Variants in ELSPBP1 observed in about 807,000 individuals in gnomAD.
The protein encoded by ELSPBP1 is epididymal sperm binding protein 1.
A neutral mutation model predicts 33.3 loss-of-function variants in ELSPBP1; 38 were observed. That is an observed-to-expected ratio of 1.14 (90% CI 0.88 to 1.50). The LOEUF (loss-of-function observed/expected upper bound fraction) is 1.50. ELSPBP1 is among the 40% of genes most tolerant of loss of function. The probability of loss-of-function intolerance (pLI) is 0.00; values close to 1 mark genes in which losing one functional copy is unlikely to be tolerated. For synonymous variants in ELSPBP1, 85 were observed against 94.1 expected (o/e 0.90, Z 0.56); for missense variants, 267 against 263.5 (o/e 1.01, Z -0.09).
chr19:48,009,842 CAA>C (rs1046365429), intron 2 of ELSPBP1, among the ~76,000 whole-genome samples: 33 of 152,088 alleles, frequency 2.2e-4, no homozygotes, highest in Admixed American at 5.9e-4. Context: ...GGTCAGGAAA[CAA>C]TGCTCCACAT....
In ELSPBP1 at chr19:48,019,714, T is replaced by C. The variant is rs774651294; in HGVS notation, c.356-5T>C. The C allele has an allele frequency of 1.2e-6, 2 of 1,612,972 alleles. No homozygotes were observed. The highest frequency in any genetic ancestry group is 1.7e-5 in the Admixed American group (1 of 59,772). On this transcript the variant is annotated splice_region_variant and splice_polypyrimidine_tract_variant and intron_variant, in intron 4 of 6. Coordinates refer to ENST00000339841, the MANE Select transcript of ELSPBP1 (RefSeq NM_022142.5). ...GACCCGTAACCTTTCCATAATCCTT[T>C]TCAGAGTATGGGGGAAATTCTCTCA...
chr19:48,006,591 G>A (rs569461107), intron 1 of ELSPBP1, among the ~76,000 whole-genome samples: 3 of 71,680 alleles, frequency 4.2e-5, no homozygotes, highest in Non-Finnish European at 8.7e-5. Flanking sequence ...TCCAGTCTGG[G>A]CGTCTGGGCG....
chr19:48,017,359 C>A (rs999297532), intron 4 of ELSPBP1, among the ~76,000 whole-genome samples: 1 of 152,192 alleles, frequency 6.6e-6, no homozygotes, highest in Non-Finnish European at 1.5e-5. Flanking sequence ...CATTTGTGTT[C>A]TTTACTATAA....
rs1555734621 is a variant in ELSPBP1 at position 48,006,648 on chromosome 19, G to GAAAAGAAAAGAA, written c.-17-1994_-17-1993insGAAAAAAGAAAA. Among the ~76,000 whole-genome samples the GAAAAGAAAAGAA allele has an allele frequency of 1.7e-4, 20 of 119,278 alleles. 1 individual carries two copies. Among genetic ancestry groups the GAAAAGAAAAGAA allele is most frequent in the African/African-American group, 1.6e-4 (5 of 31,824 alleles). The allele number at this position is 119,278 out of a possible 152,430, so 78.3% of individuals were successfully genotyped here. Reference sequence around the variant, plus strand: ...AAAAAAAAAAAAAAAAAAAAAAAAAGAAAAGAAAAAGAAAATTTAAGTAAT... The same window carrying GAAAAGAAAAGAA: ...AAAAAAAAAAAAAAAAAAAAAAAAAGAAAAGAAAAGAAAAAAGAAAAAGAAAATTTAAGTAAT... On this transcript the variant is annotated intron_variant, in intron 1 of 6. Coordinates refer to ENST00000339841, the MANE Select transcript of ELSPBP1 (RefSeq NM_022142.5).
At position 48,008,727 on chromosome 19, in the gene ELSPBP1, G is replaced by C. The variant is rs780159511; in HGVS notation, c.60G>C (p.Glu20Asp). 4.3e-6 allele frequency: 7 copies of C among 1,613,610 alleles called. No homozygotes were observed. In the South Asian group the frequency reaches 4.4e-5, roughly 10 times the overall value. Residue 20 changes from glutamate (E) to aspartate (D), a missense_variant, in exon 2 of 7, where the codon GAG (glutamate) becomes GAC (aspartate). By Grantham distance (45) the Glu-to-Asp change is conservative. Transcript: ENST00000339841. ...GWTTFLLYSY[E>D]SSGGMHEECV... The stretch of plus-strand genomic sequence containing the variant: ...CAACCTTCCTTCTCTATTCCTATGA[G>C]TCAAGTGGAGGTAAGGACACTCAAA...
chr19:48,014,621 T>C (rs1208673416), intron 3 of ELSPBP1, among the ~76,000 whole-genome samples: 1 of 151,574 alleles, frequency 6.6e-6, no homozygotes, highest in Non-Finnish European at 1.5e-5. Context: ...CATGTATACA[T>C]ATGTAACAAA....
Position 48,013,479 on chromosome 19 carries a change from G to A in ELSPBP1, c.71-692G>A, listed in dbSNP as rs563875142. 2.6e-5 allele frequency among the ~76,000 whole-genome samples: 4 copies of A among 152,172 alleles called. No individual in the cohort carries two copies. The East Asian group carries it at 7.7e-4, about 29-fold the overall frequency. On this transcript the variant is annotated intron_variant, in intron 2 of 6. Transcript: ENST00000339841. ...CGCCTGTAATCCCAGCACTGTGGGA[G>A]GCCAAGGTGGGAGGATCACCTGAGG...
intron 1 of ELSPBP1, among the ~76,000 whole-genome samples, chr19:48,007,143 T>C (rs188004783): frequency 5.6e-4 from 85 of 152,198 alleles, no homozygotes; most frequent in African/African-American, 1.8e-3. Context: ...GATCTACAAG[T>C]GAAAAGCATT....
chr19:48,016,180 GT>G, intron 4 of ELSPBP1, 141 bp downstream of exon 4: 1 of 993,694 alleles, frequency 1.0e-6, no homozygotes, highest in Non-Finnish European at 1.5e-6. Context: ...TGCTCAGAGA[GT>G]TCGCTATGAC....
chr19:48,016,519 TCTTTCTTTCTTC>T (rs1163313219), intron 4 of ELSPBP1, among the ~76,000 whole-genome samples: 1,395 of 61,582 alleles, frequency 0.023, 9 homozygotes, highest in Non-Finnish European at 0.035. Flanking sequence ...TTTCTTTCTT[TCTTTCTTTCTTC>T]CTTCCTTCCT....
At chr19:48,023,159 GAA>G (rs1967220958) in intron 6 of ELSPBP1, among the ~76,000 whole-genome samples, 1 of 143,168 alleles carries the variant, frequency 7.0e-6, no homozygotes, top group South Asian at 2.4e-4. Flanking sequence ...GGGAGGGAGG[GAA>G]GGAAGGAGGA....
intron 6 of ELSPBP1, among the ~76,000 whole-genome samples, chr19:48,023,567 GGGAA>G (rs547613526): frequency 4.7e-3 from 459 of 97,642 alleles, no homozygotes; most frequent in African/African-American, 0.013. Flanking sequence ...GGGAAAGGAA[GGGAA>G]GGAAGGGAGG....
chr19:48,022,068 C>G, intron 5 of ELSPBP1, 102 bp from the exon 6 acceptor site: 1 of 1,130,294 alleles, frequency 8.8e-7, no homozygotes. Flanking sequence ...AACCACCACA[C>G]TCAGCCCCAA....
chr19:48,022,018 G>C (rs1967205707), intron 5 of ELSPBP1, 152 bp from the exon 6 acceptor site: 3 of 671,890 alleles, frequency 4.5e-6, no homozygotes, highest in Non-Finnish European at 7.5e-6. Flanking sequence ...ACTGAGCTGG[G>C]ATTAAATGCG....
rs923453126 is a variant in ELSPBP1 at position 48,005,520 on chromosome 19, A to C, written c.-17-3131A>C. 1.3e-4 allele frequency among the ~76,000 whole-genome samples: 20 copies of C among 152,280 alleles called. No homozygotes were observed. In the East Asian group the frequency reaches 1.9e-3, roughly 15 times the overall value. ...CAATTAAATGAAGTAACATGGGGGA[A>C]GGATAGCATATTTTGGGCTGTATCT... On this transcript the variant is annotated intron_variant, in intron 1 of 6. Transcript: ENST00000339841.
At chr19:48,023,166 G>GA (rs1967221103) in intron 6 of ELSPBP1, among the ~76,000 whole-genome samples, 1 of 144,852 alleles carries the variant, frequency 6.9e-6, no homozygotes, top group African/African-American at 2.6e-5. Flanking sequence ...AGGGAAGGAA[G>GA]GAGGAAGGGA....
In ELSPBP1 at chr19:48,025,037, A is replaced by G. The variant is rs1600115792; in HGVS notation, c.*93A>G. 1 of 152,336 alleles carries G rather than the reference A, an allele frequency of 6.6e-6. No individual in the cohort carries two copies. Among genetic ancestry groups the G allele is most frequent in the East Asian group, 1.9e-4 (1 of 5,182 alleles). The allele number at this position is 152,336 out of a possible 1,614,324, so 9.4% of individuals were successfully genotyped here. A position where few individuals can be genotyped will look rare whatever the true frequency, so the allele number is the denominator to read the frequency against. ...CTTTTTCATTGCATCTGTCAAGCTTAAATAACCACCTTTAGAAATACCCTC... is the reference window on the plus strand; with the variant it reads ...CTTTTTCATTGCATCTGTCAAGCTTGAATAACCACCTTTAGAAATACCCTC... On this transcript the variant is annotated 3_prime_UTR_variant, in exon 7 of 7. Transcript: ENST00000339841.
In ELSPBP1 at chr19:48,022,278, G is replaced by A; in HGVS notation, c.623G>A (p.Cys208Tyr). The change falls in exon 6 of 7, where the codon TGT becomes TAT. Residue 208 changes from cysteine (C) to tyrosine (Y), a missense_variant. Transcript: ENST00000339841. ...GGATCAAAGGAGAACCTTGTGTGGT[G>A]TGCAACTTCTTACAACTACGACCAA... is the stretch of plus-strand genomic sequence containing the variant. ...NEGSKENLVWCATSYNYDQDH... is the reference protein window; with the variant it reads ...NEGSKENLVWYATSYNYDQDH... The A allele has an allele frequency of 1.2e-6, 2 of 1,613,594 alleles. No homozygotes were observed. The highest frequency in any genetic ancestry group is 1.7e-6 in the Non-Finnish European group (2 of 1,179,776).
rs539069289 is a variant in ELSPBP1 at position 48,011,526 on chromosome 19, A to G, written c.71-2645A>G. Among the ~76,000 whole-genome samples, 81 of 152,030 alleles carry G rather than the reference A, an allele frequency of 5.3e-4. No individual in the cohort carries two copies. Among genetic ancestry groups the G allele is most frequent in the African/African-American group, 2.0e-3 (81 of 41,464 alleles). On this transcript the variant is annotated intron_variant, in intron 2 of 6. Coordinates refer to ENST00000339841, the MANE Select transcript of ELSPBP1 (RefSeq NM_022142.5). The surrounding 1 kb of genome is among the most constrained non-coding windows in gnomAD (Gnocchi z 4.5). ...AATGATGATGACAATGATGATGACA[A>G]TGACTGATAATGATGACAATGATGA...
Sources: allele counts gnomAD v4.1 joint callset (sites outside exome capture counted in the v4.1 genomes callset), GRCh38; gene constraint gnomAD v4.1.1; non-coding constraint Gnocchi (gnomAD v3.1); transcripts MANE v1.5; gene names NCBI Gene and HGNC (gene_info 2026-07-23, HGNC 2026-07-21).